Variants in CSMD2 observed in about 807,000 individuals in gnomAD.
CSMD2 encodes the protein CUB and Sushi multiple domains 2, also known as CUB and sushi domain-containing protein 2.
CSMD2 carries 130 observed loss-of-function variants against 398.5 expected under a neutral mutation model. That is an observed-to-expected ratio of 0.33 (90% CI 0.28 to 0.38). CSMD2 has a LOEUF of 0.38. Ranked by LOEUF, CSMD2 falls within the 10% of genes least tolerant of loss-of-function variation. The pLI is 1.00. For missense variants in CSMD2, 3,829 were observed against 4,764.9 expected (o/e 0.80, Z 5.78); for synonymous variants, 1,828 against 1,908.5 (o/e 0.96, Z 1.10).
intron 3 of CSMD2, among the ~76,000 whole-genome samples, chr1:34,027,855 TACATG>T: frequency 3.0e-4 from 1 of 3,300 alleles, no homozygotes; most frequent in Non-Finnish European, 3.6e-3. Context: ...CAGACAGCCC[TACATG>T]GGCAGACAGC....
chr1:33,936,763 G>C (rs947355884), intron 3 of CSMD2, among the ~76,000 whole-genome samples: 30 of 152,146 alleles, frequency 2.0e-4, no homozygotes, highest in African/African-American at 6.8e-4. Flanking sequence ...CCTGCCCTCT[G>C]CCTTGTCCCC....
chr1:33,636,697 C>A lies in CSMD2; in HGVS notation c.4775-143G>T. 3 of 648,400 alleles carry A rather than the reference C, an allele frequency of 4.6e-6. No individual in the cohort carries two copies. The highest frequency in any genetic ancestry group is 8.0e-6 in the Non-Finnish European group (3 of 373,482). The allele number at this position is 648,400 out of a possible 1,614,324, so 40.2% of individuals were successfully genotyped here. A position where few individuals can be genotyped will look rare whatever the true frequency, so the allele number is the denominator to read the frequency against. On this transcript the variant is annotated intron_variant, in intron 29 of 70. Transcript: ENST00000373381. This position sits in a 1 kb window ranked among gnomAD's most constrained non-coding sequence, Gnocchi z 4.8. Reference sequence around the variant, plus strand: ...ATGCGTGACTGTGGCTCCTATTCCCCTCAGGTCTAGAAACGTCTCTAAATT... The same window carrying A: ...ATGCGTGACTGTGGCTCCTATTCCCATCAGGTCTAGAAACGTCTCTAAATT...
chr1:33,737,075 T>G (rs10914769), intron 15 of CSMD2, among the ~76,000 whole-genome samples: 47,932 of 152,084 alleles, frequency 0.32, 9,393 homozygotes, highest in East Asian at 0.42. Flanking sequence ...CACCAGCAAA[T>G]AACTCCATCA....
intron 10 of CSMD2, among the ~76,000 whole-genome samples, chr1:33,796,657 C>G (rs561128443): frequency 9.9e-5 from 15 of 152,238 alleles, no homozygotes; most frequent in South Asian, 6.2e-4. Flanking sequence ...AATCAGTGCA[C>G]CTTGAGAAAG....
intron 3 of CSMD2, among the ~76,000 whole-genome samples, chr1:34,013,696 A>T (rs983966485): frequency 6.6e-6 from 1 of 152,042 alleles, no homozygotes; most frequent in Non-Finnish European, 1.5e-5. Flanking sequence ...ACACCTGGGG[A>T]AAAAAAGGGG....
intron 56 of CSMD2, among the ~76,000 whole-genome samples, chr1:33,546,476 G>A (rs1019652734): frequency 1.2e-4 from 19 of 152,292 alleles, no homozygotes; most frequent in Admixed American, 3.3e-4. Flanking sequence ...TCTGTGGCCC[G>A]TGCCAGTCTG....
chr1:33,651,696 G>A (rs561102440), intron 28 of CSMD2, among the ~76,000 whole-genome samples: 1 of 152,176 alleles, frequency 6.6e-6, no homozygotes, highest in Admixed American at 6.5e-5. Context: ...GATGGAAAGG[G>A]TGATCAAGAG....
chr1:34,070,495 T>G (rs746412966), intron 2 of CSMD2, among the ~76,000 whole-genome samples: 5 of 152,218 alleles, frequency 3.3e-5, no homozygotes, highest in Non-Finnish European at 7.3e-5. Context: ...GAAGCTCAGC[T>G]TTCTCCTCTG....
At chr1:33,702,110 G>A (rs2149125723) in intron 22 of CSMD2, among the ~76,000 whole-genome samples, 1 of 152,224 alleles carries the variant, frequency 6.6e-6, no homozygotes, top group East Asian at 1.9e-4. Context: ...ATCCAGAGTG[G>A]AAAGTTCCAC....
chr1:34,140,202 C>T (rs1178563939), intron 1 of CSMD2, among the ~76,000 whole-genome samples: 3 of 149,898 alleles, frequency 2.0e-5, no homozygotes, highest in Admixed American at 6.7e-5. Context: ...ACTGCGGGGG[C>T]AGGGGGCCTT....
intron 13 of CSMD2, chr1:33,772,287 C>T: frequency 3.4e-6 from 1 of 294,252 alleles, no homozygotes. Flanking sequence ...GGGCTTTGTC[C>T]CAGTGGTGTC....
At position 33,636,041 on chromosome 1, in the gene CSMD2, C is replaced by T. The variant is rs1642780024; in HGVS notation, c.4969+319G>A. The stretch of plus-strand genomic sequence containing the variant: ...TTTTCCCTAGGCCTAGGAACTAGTC[C>T]AGGAGCCACCTTTAAATGACTTCTC... On this transcript the variant is annotated intron_variant, in intron 30 of 70. Transcript: ENST00000373381. The surrounding 1 kb of genome is among the most constrained non-coding windows in gnomAD (Gnocchi z 4.8). Among the ~76,000 whole-genome samples the T allele has an allele frequency of 6.6e-6, 1 of 152,064 alleles. No homozygotes were observed. Among genetic ancestry groups the T allele is most frequent in the Admixed American group, 6.6e-5 (1 of 15,262 alleles).
In CSMD2 at chr1:33,610,794, CAG is replaced by C. The variant is rs539436855; in HGVS notation, c.6343+245_6343+246del. 8.5e-4 allele frequency among the ~76,000 whole-genome samples: 130 copies of C among 152,284 alleles called. 3 individuals carry two copies. The highest frequency in any genetic ancestry group is 3.0e-3 in the African/African-American group (126 of 41,554). On this transcript the variant is annotated intron_variant, in intron 41 of 70. Coordinates refer to ENST00000373381, the MANE Select transcript of CSMD2 (RefSeq NM_001281956.2). ...GGCCACTTGCCCAGGGACAGCTGTACAGAGTGGGAGCCTCAGAGGGTGCTGTT... is the reference window on the plus strand; with the variant it reads ...GGCCACTTGCCCAGGGACAGCTGTACAGTGGGAGCCTCAGAGGGTGCTGTT...
intron 3 of CSMD2, among the ~76,000 whole-genome samples, chr1:33,973,642 C>T (rs1390434555): frequency 2.6e-5 from 4 of 152,140 alleles, no homozygotes. Flanking sequence ...GGAAAATGCA[C>T]TTGAGGGTAG....
chr1:34,082,780 T>C (rs1289603984), intron 2 of CSMD2, among the ~76,000 whole-genome samples: 3 of 152,168 alleles, frequency 2.0e-5, no homozygotes, highest in African/African-American at 7.2e-5. Context: ...CCCAACCCCG[T>C]GCTCTCTGAA....
rs1393393255 is a variant in CSMD2 at position 34,164,036 on chromosome 1, G to T, written c.187+875C>A. 1.3e-5 allele frequency among the ~76,000 whole-genome samples: 2 copies of T among 152,054 alleles called. No individual in the cohort carries two copies. Among genetic ancestry groups the T allele is most frequent in the African/African-American group, 4.8e-5 (2 of 41,414 alleles). On this transcript the variant is annotated intron_variant, in intron 1 of 70. Coordinates refer to ENST00000373381, the MANE Select transcript of CSMD2 (RefSeq NM_001281956.2). The surrounding 1 kb of genome is among the most constrained non-coding windows in gnomAD (Gnocchi z 6.2). ...GCTAGATCTGCCCCTTCCCGGACTCGGTCGTCGGGAGCTGGTCCCGCCGCC... is the reference window on the plus strand; with the variant it reads ...GCTAGATCTGCCCCTTCCCGGACTCTGTCGTCGGGAGCTGGTCCCGCCGCC...
At chr1:33,958,353 C>A (rs953011049) in intron 3 of CSMD2, among the ~76,000 whole-genome samples, 13 of 152,164 alleles carry the variant, frequency 8.5e-5, no homozygotes, top group African/African-American at 3.1e-4. Flanking sequence ...AAGCAGAATT[C>A]TGAAATGCCC....
intron 25 of CSMD2, among the ~76,000 whole-genome samples, chr1:33,691,725 G>A (rs547823265): frequency 2.4e-4 from 37 of 152,150 alleles, no homozygotes; most frequent in Admixed American, 8.5e-4. Context: ...CTGGTGGACC[G>A]ACGCTGCTCA....
intron 53 of CSMD2, among the ~76,000 whole-genome samples, chr1:33,562,363 C>A (rs1658647813): frequency 6.6e-6 from 1 of 152,208 alleles, no homozygotes; most frequent in African/African-American, 2.4e-5. Flanking sequence ...CCCAGGCTTT[C>A]TGGCTGCTTG....
Sources: gnomAD v4.1 joint callset for allele counts (sites outside exome capture counted in the v4.1 genomes callset) on GRCh38, gnomAD v4.1.1 for gene constraint, Gnocchi (gnomAD v3.1) non-coding constraint, MANE v1.5 for transcripts, NCBI Gene and HGNC (gene_info 2026-07-23, HGNC 2026-07-21) for gene names.